Variants in CDH13 observed in about 807,000 individuals in gnomAD.
The protein encoded by CDH13 is cadherin-13.
In CDH13, 24 loss-of-function variants were observed where a neutral mutation model predicts 63.8. The ratio of observed to expected loss-of-function variants is 0.38; its 90% CI spans 0.27 to 0.53. The LOEUF (loss-of-function observed/expected upper bound fraction) is 0.53. CDH13 is among the 20% of genes least tolerant of loss of function. The pLI is 0.85. For missense variants in CDH13, 1,049 were observed against 903.1 expected (o/e 1.16, Z -2.07); for synonymous variants, 503 against 355.3 (o/e 1.42, Z -4.67).
chr16:83,442,821 G>C (rs765287612), intron 6 of CDH13, among the ~76,000 whole-genome samples: 8 of 152,214 alleles, frequency 5.3e-5, no homozygotes, highest in Non-Finnish European at 8.8e-5. Flanking sequence ...TGTGCACTTG[G>C]TAATTTCATT....
At chr16:83,546,419 C>T (rs575521140) in intron 7 of CDH13, among the ~76,000 whole-genome samples, 1 of 145,890 alleles carries the variant, frequency 6.9e-6, no homozygotes, top group African/African-American at 2.4e-5. Context: ...ATTTGTTAGC[C>T]ATACTACTGG....
At chr16:83,042,874 A>G (rs1158795258) in intron 3 of CDH13, among the ~76,000 whole-genome samples, 1 of 152,242 alleles carries the variant, frequency 6.6e-6, no homozygotes, top group Non-Finnish European at 1.5e-5. Context: ...TGCTGTGACC[A>G]TAAAGAAATG....
rs2032108804 is a variant in CDH13 at position 82,713,423 on chromosome 16, G to C, written c.45+86286G>C. Among the ~76,000 whole-genome samples the C allele has an allele frequency of 2.0e-5, 3 of 152,182 alleles. No individual in the cohort carries two copies. In the South Asian group the frequency reaches 6.2e-4, roughly 32 times the overall value. On this transcript the variant is annotated intron_variant, in intron 1 of 13. Coordinates refer to ENST00000567109, the MANE Select transcript of CDH13 (RefSeq NM_001257.5). ...CAAGAGAGCTTCTGTGTCCTTGAGG[G>C]GCTGGAGTATGCGTCCCCCTGAAAC...
chr16:83,511,094 A>ACGCG (rs147339336), intron 7 of CDH13, among the ~76,000 whole-genome samples: 24 of 151,222 alleles, frequency 1.6e-4, no homozygotes, highest in African/African-American at 5.6e-4. Flanking sequence ...GCACACACAC[A>ACGCG]TGCACACATG....
At chr16:82,758,073 C>G (rs8044955) in intron 1 of CDH13, among the ~76,000 whole-genome samples, 117,281 of 152,096 alleles carry the variant, frequency 0.77, 45,952 homozygotes, top group African/African-American at 0.92. Context: ...CATCTTTGTT[C>G]ATGACCGGTG....
At chr16:83,654,687 C>G (rs1183701739) in intron 8 of CDH13, 1 of 152,164 alleles carries the variant, frequency 6.6e-6, no homozygotes, top group East Asian at 1.9e-4. Flanking sequence ...ACTACCATGC[C>G]TGTACTTTCG....
chr16:82,773,853 A>G (rs2035371269), intron 1 of CDH13, among the ~76,000 whole-genome samples: 1 of 150,632 alleles, frequency 6.6e-6, no homozygotes, highest in East Asian at 2.0e-4. Flanking sequence ...GCGCGATCTC[A>G]GCTCACTGCA....
intron 2 of CDH13, among the ~76,000 whole-genome samples, chr16:82,878,927 A>G (rs2040597630): frequency 6.6e-6 from 1 of 152,018 alleles, no homozygotes; most frequent in African/African-American, 2.4e-5. Context: ...TGAGATCCTC[A>G]CCTTCTCTGA....
chr16:83,659,699 C>G (rs546869376), intron 8 of CDH13, among the ~76,000 whole-genome samples: 1 of 151,848 alleles, frequency 6.6e-6, no homozygotes, highest in Non-Finnish European at 1.5e-5. Flanking sequence ...GTCTGATACC[C>G]TTTTCTCAGA....
rs11349889 is a variant in CDH13, at chr16:83,799,299, CAAA to C, written c.*4288_*4290del. The C allele has an allele frequency of 9.1e-5, 10 of 110,192 alleles. No homozygotes were observed. The highest frequency in any genetic ancestry group is 4.2e-4 in the Admixed American group (4 of 9,506). The allele number at this position is 110,192 out of a possible 1,614,324, so 6.8% of individuals were successfully genotyped here. A position where few individuals can be genotyped will look rare whatever the true frequency, so the allele number is the denominator to read the frequency against. On this transcript the variant is annotated 3_prime_UTR_variant, in exon 14 of 14. Transcript: ENST00000567109. ...CCTGGGCAACAGAGCAAGACTCCGTCAAAAAAAAAAAAAAAAAAAAAGAAAGAA... is the reference window on the plus strand; with the variant it reads ...CCTGGGCAACAGAGCAAGACTCCGTCAAAAAAAAAAAAAAAAAAGAAAGAA...
At chr16:82,698,848 T>C (rs2030651608) in intron 1 of CDH13, among the ~76,000 whole-genome samples, 1 of 152,214 alleles carries the variant, frequency 6.6e-6, no homozygotes, top group South Asian at 2.1e-4. Flanking sequence ...AGATAGTAAA[T>C]ATTTTAGACT....
chr16:83,050,203 A>G (rs531719369), intron 3 of CDH13, among the ~76,000 whole-genome samples: 3 of 152,270 alleles, frequency 2.0e-5, no homozygotes, highest in African/African-American at 7.2e-5. Context: ...TACTGTCGCC[A>G]TAACTCTAGT....
chr16:82,986,648 G>T (rs1349832699), intron 2 of CDH13, among the ~76,000 whole-genome samples: 2 of 152,166 alleles, frequency 1.3e-5, no homozygotes, highest in African/African-American at 4.8e-5. Context: ...AGGGATAGCA[G>T]AAATGAAAGA....
At chr16:83,254,359 G>A (rs1222858395) in intron 5 of CDH13, among the ~76,000 whole-genome samples, 1 of 152,214 alleles carries the variant, frequency 6.6e-6, no homozygotes, top group Non-Finnish European at 1.5e-5. Context: ...CATGCACAGA[G>A]TGTCTTCAGA....
At chr16:82,698,045 T>C (rs2150986538) in intron 1 of CDH13, among the ~76,000 whole-genome samples, 1 of 152,124 alleles carries the variant, frequency 6.6e-6, no homozygotes, top group Middle Eastern at 3.4e-3. Context: ...AAGTATCTGT[T>C]GAATGGATGA....
intron 4 of CDH13, among the ~76,000 whole-genome samples, chr16:83,129,487 T>G (rs1168370539): frequency 6.6e-6 from 1 of 152,152 alleles, no homozygotes; most frequent in Non-Finnish European, 1.5e-5. Context: ...GAAGCTTGTT[T>G]ATGAAGCCAG....
chr16:83,191,508 C>CATATATATATAT (rs1464187204), intron 4 of CDH13, among the ~76,000 whole-genome samples: 23 of 70,124 alleles, frequency 3.3e-4, no homozygotes, highest in South Asian at 9.5e-4. Context: ...TATATATACA[C>CATATATATATAT]ACACACACAC....
intron 3 of CDH13, among the ~76,000 whole-genome samples, chr16:83,066,271 T>C (rs1207033827): frequency 6.6e-6 from 1 of 152,206 alleles, no homozygotes; most frequent in Non-Finnish European, 1.5e-5. Context: ...TTGCATGAGA[T>C]ACGGGAGCTT....
chr16:82,641,252 C>A (rs1909360384), intron 1 of CDH13, among the ~76,000 whole-genome samples: 1 of 152,174 alleles, frequency 6.6e-6, no homozygotes, highest in African/African-American at 2.4e-5. Flanking sequence ...CTCTGTGCTT[C>A]CCTGCTGAGC....
Sources: allele counts gnomAD v4.1 joint callset (sites outside exome capture counted in the v4.1 genomes callset), GRCh38; gene constraint gnomAD v4.1.1; transcripts MANE v1.5; gene names NCBI Gene and HGNC (gene_info 2026-07-23, HGNC 2026-07-21).